The following THSD4 variants were observed in gnomAD, a reference collection of about 807,000 sequenced individuals.
The protein encoded by THSD4 is thrombospondin type 1 domain containing 4.
In THSD4, 69 loss-of-function variants were observed where a neutral mutation model predicts 119.0. The ratio of observed to expected loss-of-function variants is 0.58; its 90% CI spans 0.48 to 0.71. The LOEUF (loss-of-function observed/expected upper bound fraction) is 0.71. Ranked by LOEUF, THSD4 falls within the 30% of genes least tolerant of loss-of-function variation. The pLI, the probability that THSD4 is intolerant of heterozygous loss-of-function variation, is 0.00. For synonymous variants in THSD4, 524 were observed against 540.4 expected, an observed-to-expected ratio of 0.97 and a Z score of 0.42; for missense variants, 1,393 against 1,391.1, an observed-to-expected ratio of 1.00 and a Z score of -0.02.
At chr15:71,111,564 T>C (rs935049312), upstream of THSD4, 7 of 646,310 alleles carry the variant, frequency 1.1e-5, no homozygotes, top group African/African-American at 1.1e-4. Context: ...CATGCCTCCC[T>C]TATTTTCTTA....
intron 4 of THSD4, among the ~76,000 whole-genome samples, chr15:71,217,497 C>G (rs886450235): frequency 1.3e-5 from 2 of 151,854 alleles, no homozygotes; most frequent in African/African-American, 4.8e-5. Context: ...GTGGCGGGTG[C>G]CTGTATTCCC....
At chr15:71,555,804 G>A (rs369026209) in intron 7 of THSD4, among the ~76,000 whole-genome samples, 40 of 152,238 alleles carry the variant, frequency 2.6e-4, no homozygotes, top group African/African-American at 9.4e-4. Flanking sequence ...TAAATTTTCT[G>A]TATGGGGTAA....
chr15:71,634,386 C>T (rs2050696757), intron 7 of THSD4, among the ~76,000 whole-genome samples: 1 of 152,126 alleles, frequency 6.6e-6, no homozygotes. Flanking sequence ...TCTGCATCAC[C>T]AGCTTCTAGC....
intron 3 of THSD4, among the ~76,000 whole-genome samples, chr15:71,204,280 C>A (rs1437291632): frequency 6.6e-6 from 1 of 152,146 alleles, no homozygotes; most frequent in South Asian, 2.1e-4. Context: ...TCCGATTATG[C>A]AGATCACATC....
chr15:71,413,343 A>G (rs1483813457), intron 7 of THSD4, among the ~76,000 whole-genome samples: 4 of 152,208 alleles, frequency 2.6e-5, no homozygotes, highest in Admixed American at 6.5e-5. Flanking sequence ...AAAATATACA[A>G]TAAATTATTA....
intron 6 of THSD4, among the ~76,000 whole-genome samples, chr15:71,358,433 G>C (rs562088546): frequency 3.6e-4 from 55 of 152,252 alleles, no homozygotes; most frequent in African/African-American, 1.2e-3. Context: ...CATTAGATAG[G>C]GTCTCCATTT....
At chr15:71,432,580 A>G (rs1020971577) in intron 7 of THSD4, among the ~76,000 whole-genome samples, 2 of 148,788 alleles carry the variant, frequency 1.3e-5, no homozygotes, top group South Asian at 2.1e-4. Context: ...TTTTTTGTCA[A>G]TATTTGTAAA....
At chr15:71,265,778 G>C (rs1291489600) in intron 6 of THSD4, among the ~76,000 whole-genome samples, 2 of 152,152 alleles carry the variant, frequency 1.3e-5, no homozygotes, top group Admixed American at 6.5e-5. Context: ...GGGGGGAGGG[G>C]CATCTGCCAT....
intron 7 of THSD4, among the ~76,000 whole-genome samples, chr15:71,479,140 C>T: frequency 7.6e-6 from 1 of 130,928 alleles, no homozygotes; most frequent in Middle Eastern, 4.0e-3. Flanking sequence ...ATGCTGATCA[C>T]TTGTTCACTG....
intron 7 of THSD4, among the ~76,000 whole-genome samples, chr15:71,517,356 C>T (rs937932022): frequency 7.2e-5 from 11 of 152,128 alleles, no homozygotes; most frequent in Middle Eastern, 3.2e-3. Flanking sequence ...TCTGTGTTTT[C>T]GCTTTCATGC....
intron 10 of THSD4, among the ~76,000 whole-genome samples, chr15:71,737,225 A>C (rs1298249055): frequency 6.6e-6 from 1 of 152,244 alleles, no homozygotes; most frequent in African/African-American, 2.4e-5. Flanking sequence ...TTGCTAGGTC[A>C]AAGGGTATGT....
At chr15:71,404,212 A>C (rs1049384530) in intron 6 of THSD4, among the ~76,000 whole-genome samples, 1 of 152,190 alleles carries the variant, frequency 6.6e-6, no homozygotes, top group African/African-American at 2.4e-5. Context: ...TATCCTAAGA[A>C]GGAAGCTGAT....
At chr15:71,737,015 G>A (rs1415166298) in intron 10 of THSD4, among the ~76,000 whole-genome samples, 2 of 152,150 alleles carry the variant, frequency 1.3e-5, no homozygotes, top group Non-Finnish European at 2.9e-5. Flanking sequence ...TCTTCATGTC[G>A]GAACGTTATA....
intron 7 of THSD4, among the ~76,000 whole-genome samples, chr15:71,467,317 G>C (rs188039370): frequency 6.6e-6 from 1 of 152,320 alleles, no homozygotes; most frequent in Non-Finnish European, 1.5e-5. Flanking sequence ...CAAGAGAAGT[G>C]CAAATTTATT....
intron 6 of THSD4, among the ~76,000 whole-genome samples, chr15:71,380,570 A>G (rs572799390): frequency 2.6e-5 from 4 of 152,228 alleles, no homozygotes; most frequent in Admixed American, 6.5e-5. Flanking sequence ...ACAAGAGCCC[A>G]TACAGACCAA....
rs2045418243 is a variant in THSD4, at chr15:71,331,337, G to A, written c.1015+74622G>A. Reference sequence around the variant, plus strand: ...GAATGCCTGGTTTCCTCTGAAGGTAGTCAGGTCTCAGGCGGCCAAGATCAC... The same window carrying A: ...GAATGCCTGGTTTCCTCTGAAGGTAATCAGGTCTCAGGCGGCCAAGATCAC... On this transcript the variant is annotated intron_variant, in intron 6 of 17. Transcript: ENST00000261862. 2.0e-5 allele frequency among the ~76,000 whole-genome samples: 3 copies of A among 152,190 alleles called. No individual in the cohort carries two copies. The South Asian group carries it at 6.2e-4, about 31-fold the overall frequency.
At chr15:71,280,491 T>G (rs2044638546) in intron 6 of THSD4, among the ~76,000 whole-genome samples, 1 of 152,200 alleles carries the variant, frequency 6.6e-6, no homozygotes, top group Non-Finnish European at 1.5e-5. Flanking sequence ...AAATATGTTC[T>G]GAAATGTGTA....
At chr15:71,715,467 C>G (rs1227758670) in intron 8 of THSD4, among the ~76,000 whole-genome samples, 1 of 152,048 alleles carries the variant, frequency 6.6e-6, no homozygotes, top group East Asian at 1.9e-4. Context: ...TTTAATTACC[C>G]GAATTCCCAG....
chr15:71,168,958 A>G (rs2043323632), intron 3 of THSD4, among the ~76,000 whole-genome samples: 1 of 152,244 alleles, frequency 6.6e-6, no homozygotes, highest in African/African-American at 2.4e-5. Context: ...AAATTGTACT[A>G]CATTCGAGTC....
Sources: allele counts gnomAD v4.1 joint callset (sites outside exome capture counted in the v4.1 genomes callset), GRCh38; gene constraint gnomAD v4.1.1; transcripts MANE v1.5; gene names NCBI Gene and HGNC (gene_info 2026-07-23, HGNC 2026-07-21).